CFTR: variants seen among roughly 807,000 people sequenced by gnomAD.
CFTR encodes the protein CF transmembrane conductance regulator.
Under a neutral mutation model 171.6 loss-of-function variants are expected in CFTR, and 181 were observed. The observed-to-expected ratio is 1.05, with a 90% CI of 0.93 to 1.19. The LOEUF is 1.19. Among genes scored for constraint, CFTR ranks in the 50% most tolerant of loss-of-function variants. The pLI, the probability that CFTR is intolerant of heterozygous loss-of-function variation, is 0.00. For missense variants in CFTR, 1,968 were observed against 1,734.7 expected (o/e 1.13, Z -2.39); for synonymous variants, 583 against 608.0 (o/e 0.96, Z 0.60).
In CFTR at chr7:117,664,678, C is replaced by G; in HGVS notation, c.3964-10C>G. 2 of 1,613,350 alleles carry G rather than the reference C, an allele frequency of 1.2e-6. No homozygotes were observed. Among genetic ancestry groups the G allele is most frequent in the Non-Finnish European group, 1.7e-6 (2 of 1,179,390 alleles). On this transcript the variant is annotated splice_polypyrimidine_tract_variant and intron_variant, in intron 24 of 26. Coordinates refer to ENST00000003084, the MANE Select transcript of CFTR (RefSeq NM_000492.4). ...CTCTGTGGTATCTGAACTATCTTCT[C>G]TAACTGCAGGTTGGGCTCAGATCTG... is the stretch of plus-strand genomic sequence containing the variant.
In CFTR at chr7:117,551,221, A is replaced by G. The variant is rs1482004777; in HGVS notation, c.1392+2398A>G. ...ATTAGATAAATTTTGGTGTAGTTCT[A>G]TAATGGCGTGTTATTCAGCCAATAA... On this transcript the variant is annotated intron_variant, in intron 10 of 26. Transcript: ENST00000003084. Among the ~76,000 whole-genome samples, 4 of 152,192 alleles carry G rather than the reference A, an allele frequency of 2.6e-5. No homozygotes were observed. In the East Asian group the frequency reaches 5.8e-4, roughly 22 times the overall value.
intron 20 of CFTR, among the ~76,000 whole-genome samples, chr7:117,612,019 A>ATATATATATG (rs1366289550): frequency 2.2e-5 from 1 of 44,974 alleles, no homozygotes; most frequent in African/African-American, 1.3e-4. Flanking sequence ...ATATATATAT[A>ATATATATATG]TATGTATATA....
At chr7:117,596,547 T>C (rs1792129726) in intron 15 of CFTR, among the ~76,000 whole-genome samples, 1 of 152,240 alleles carries the variant, frequency 6.6e-6, no homozygotes. Context: ...CAGTGCGGGA[T>C]CCACTGGGTG....
chr7:117,651,582 C>T (rs186928638), intron 23 of CFTR, among the ~76,000 whole-genome samples: 7 of 152,140 alleles, frequency 4.6e-5, no homozygotes. Context: ...CTCTTATATT[C>T]CCTCTGTAAA....
intron 1 of CFTR, among the ~76,000 whole-genome samples, chr7:117,492,811 T>A (rs940346278): frequency 3.3e-5 from 5 of 151,988 alleles, no homozygotes; most frequent in Non-Finnish European, 7.4e-5. Context: ...CATGGGGAAT[T>A]AATCTAGACT....
chr7:117,619,204 A>G (rs1268763180), intron 21 of CFTR, among the ~76,000 whole-genome samples: 1 of 152,226 alleles, frequency 6.6e-6, no homozygotes, highest in Non-Finnish European at 1.5e-5. Context: ...TACTCATAAG[A>G]TGCCTTCCAT....
At position 117,642,464 on chromosome 7, in the gene CFTR, AG is replaced by A. The variant is rs797045159; in HGVS notation, c.3747del (p.Lys1250ArgfsTer9). ...TGGGCCTCTTGGGAAGAACTGGATC[AG>A]GGAAGAGTACTTTGTTATCAGCTTT... The part of the protein sequence containing the change: ...RVGLLGRTGS[G>X]KSTLLSAFLR... On this transcript the variant is annotated frameshift_variant, in exon 23 of 27. Coordinates refer to ENST00000003084, the MANE Select transcript of CFTR (RefSeq NM_000492.4). LOFTEE classifies it high-confidence loss of function. The A allele has an allele frequency of 1.2e-6, 2 of 1,613,678 alleles. No homozygotes were observed. The highest frequency in any genetic ancestry group is 8.5e-7 in the Non-Finnish European group (1 of 1,179,670).
rs1800084 is a variant in CFTR at position 117,540,157 on chromosome 7, C to G, written c.927C>G (p.Ala309=). 43 of 1,613,630 alleles carry G rather than the reference C, an allele frequency of 2.7e-5. No homozygotes were observed. The highest frequency in any genetic ancestry group is 1.7e-4 in the Middle Eastern group (1 of 6,060). ...AAYVRYFNSS[A]FFFSGFFVVF... ...ATGTGAGATACTTCAATAGCTCAGCCTTCTTCTTCTCAGGGTTCTTTGTGG... is the reference window on the plus strand; with the variant it reads ...ATGTGAGATACTTCAATAGCTCAGCGTTCTTCTTCTCAGGGTTCTTTGTGG... Residue 309 remains alanine, a synonymous_variant, in exon 8 of 27, where the codon GCC becomes GCG. Transcript: ENST00000003084.
chr7:117,493,714 GCTAA>G (rs1798197446), intron 1 of CFTR, among the ~76,000 whole-genome samples: 1 of 152,098 alleles, frequency 6.6e-6, no homozygotes, highest in African/African-American at 2.4e-5. Flanking sequence ...TAAAGAAGAT[GCTAA>G]CTTTCCCTTT....
chr7:117,583,665 C>T (rs1315750259), intron 11 of CFTR, among the ~76,000 whole-genome samples: 5 of 150,850 alleles, frequency 3.3e-5, no homozygotes, highest in African/African-American at 1.2e-4. Context: ...CATATAATGA[C>T]TTCTTTTCCT....
At chr7:117,629,358 C>G (rs1326508346) in intron 22 of CFTR, among the ~76,000 whole-genome samples, 4 of 152,130 alleles carry the variant, frequency 2.6e-5, no homozygotes, top group African/African-American at 9.7e-5. Context: ...TAGATTTGGA[C>G]AGTCCTTCAT....
Position 117,667,214 on chromosome 7 carries a change from A to G in CFTR, c.*106A>G. ...CGTGGAACAGTTACCTCTGCCTCAG[A>G]AAACAAGGATGAATTAAGTTTTTTT... On this transcript the variant is annotated 3_prime_UTR_variant, in exon 27 of 27. Transcript: ENST00000003084. 2.9e-6 allele frequency: 3 copies of G among 1,034,400 alleles called. No individual in the cohort carries two copies. Among genetic ancestry groups the G allele is most frequent in the Non-Finnish European group, 4.4e-6 (3 of 677,106 alleles). The allele number at this position is 1,034,400 out of a possible 1,614,324, so 64.1% of individuals were successfully genotyped here. A position where few individuals can be genotyped will look rare whatever the true frequency, so the allele number is the denominator to read the frequency against.
chr7:117,641,911 C>G (rs897256173), intron 22 of CFTR, among the ~76,000 whole-genome samples: 1 of 152,224 alleles, frequency 6.6e-6, no homozygotes, highest in African/African-American at 2.4e-5. Flanking sequence ...CCCAACCTGC[C>G]TTCTCTGGGA....
chr7:117,523,821 A>G (rs1338129681), intron 3 of CFTR, among the ~76,000 whole-genome samples: 4 of 152,228 alleles, frequency 2.6e-5, no homozygotes, highest in African/African-American at 9.6e-5. Context: ...GGAAAATATA[A>G]TGGAGAAATC....
chr7:117,568,820 G>A (rs1791643347), intron 11 of CFTR, among the ~76,000 whole-genome samples: 1 of 152,096 alleles, frequency 6.6e-6, no homozygotes, highest in African/African-American at 2.4e-5. Context: ...AACTATAGTG[G>A]CCACACTATA....
In CFTR at chr7:117,667,208, C is replaced by T; in HGVS notation, c.*100C>T. The stretch of plus-strand genomic sequence containing the variant: ...GGAGCTCGTGGAACAGTTACCTCTG[C>T]CTCAGAAAACAAGGATGAATTAAGT... On this transcript the variant is annotated 3_prime_UTR_variant, in exon 27 of 27. Transcript: ENST00000003084. 2 of 1,071,666 alleles carry T rather than the reference C, an allele frequency of 1.9e-6. No homozygotes were observed. Among genetic ancestry groups the T allele is most frequent in the Admixed American group, 1.9e-5 (1 of 52,036 alleles). 66.4% of individuals were successfully genotyped at this position (1,071,666 alleles called of 1,614,324 possible). A position where few individuals can be genotyped will look rare whatever the true frequency, so the allele number is the denominator to read the frequency against.
chr7:117,574,560 G>A lies in CFTR; in HGVS notation c.1585-13179G>A, dbSNP rs213991. 7.7e-3 allele frequency among the ~76,000 whole-genome samples: 1,171 copies of A among 152,180 alleles called. 19 individuals are homozygous for A. The highest frequency in any genetic ancestry group is 0.026 in the African/African-American group (1,099 of 41,556). On this transcript the variant is annotated intron_variant, in intron 11 of 26. Coordinates refer to ENST00000003084, the MANE Select transcript of CFTR (RefSeq NM_000492.4). Reference sequence around the variant, plus strand: ...ATTTTCACACTTTTAAAGGTAATCTGTATTTCTAGCGTCTATTATAGACAG... The same window carrying A: ...ATTTTCACACTTTTAAAGGTAATCTATATTTCTAGCGTCTATTATAGACAG...
At chr7:117,535,155 C>A in intron 5 of CFTR, 93 bp from the exon 6 acceptor site, 1 of 1,329,014 alleles carries the variant, frequency 7.5e-7, no homozygotes, top group Non-Finnish European at 1.1e-6. Context: ...ATCATATAAG[C>A]TCCTTTTACT....
At chr7:117,606,805 A>G in intron 18 of CFTR, 52 bp downstream of exon 18, 1 of 1,004,998 alleles carries the variant, frequency 1.0e-6, no homozygotes, top group South Asian at 1.3e-5. Flanking sequence ...AAAAAACAAT[A>G]ACAAAAGCAA....
Sources: allele counts gnomAD v4.1 joint callset (sites outside exome capture counted in the v4.1 genomes callset), GRCh38; gene constraint gnomAD v4.1.1; transcripts MANE v1.5; gene names NCBI Gene and HGNC (gene_info 2026-07-23, HGNC 2026-07-21).